Variants in GPM6A observed in about 807,000 individuals in gnomAD.
GPM6A encodes the protein glycoprotein M6A.
In GPM6A, 7 loss-of-function variants were observed where a neutral mutation model predicts 32.1. The ratio of observed to expected loss-of-function variants is 0.22; its 90% CI spans 0.12 to 0.41. GPM6A has a LOEUF of 0.41. GPM6A is among the 10% of genes least tolerant of loss of function. The pLI is 1.00. For synonymous variants in GPM6A, 130 were observed against 123.4 expected (o/e 1.05, Z -0.35); for missense variants, 235 against 347.2 (o/e 0.68, Z 2.57).
upstream of GPM6A, chr4:175,812,399 C>CTCGT (rs1463502595): frequency 7.6e-7 from 1 of 1,314,758 alleles, no homozygotes; most frequent in Non-Finnish European, 9.6e-7. Flanking sequence ...CTCAGGCTCC[C>CTCGT]TCGTTCCTCT....
Position 175,984,023 on chromosome 4 carries a change from T to TCACA in GPM6A, c.-23+18282_-23+18285dup, listed in dbSNP as rs138248018. 3.7e-3 allele frequency among the ~76,000 whole-genome samples: 559 copies of TCACA among 150,296 alleles called. 2 individuals are homozygous for TCACA. The highest frequency in any genetic ancestry group is 0.013 in the African/African-American group (520 of 41,058). ...CTCTCTCTCTCTGTCTCTCTCTCTGTCACACACACACACACACTCACACAC... is the reference window on the plus strand; with the variant it reads ...CTCTCTCTCTCTGTCTCTCTCTCTGTCACACACACACACACACACACTCACACAC... On this transcript the variant is annotated intron_variant, in intron 1 of 7. Coordinates refer to the GPM6A transcript ENST00000280187.
At chr4:175,785,518 CTAT>C (rs1733765628) in intron 1 of GPM6A, among the ~76,000 whole-genome samples, 1 of 152,186 alleles carries the variant, frequency 6.6e-6, no homozygotes, top group Non-Finnish European at 1.5e-5. Context: ...TTAACATTAA[CTAT>C]TGTTATAGTT....
At chr4:175,840,289 T>C (rs1453128919) in intron 1 of GPM6A, among the ~76,000 whole-genome samples, 2 of 152,224 alleles carry the variant, frequency 1.3e-5, no homozygotes, top group South Asian at 2.1e-4. Flanking sequence ...GAAATGTCTA[T>C]GCCAATTTAA....
chr4:175,677,560 A>G (rs1743443216), intron 2 of GPM6A, among the ~76,000 whole-genome samples: 1 of 152,168 alleles, frequency 6.6e-6, no homozygotes, highest in Non-Finnish European at 1.5e-5. Flanking sequence ...AAATGGGAAG[A>G]ATTTGGCCAA....
intron 1 of GPM6A, among the ~76,000 whole-genome samples, chr4:175,756,898 T>C (rs77388975): frequency 0.039 from 5,867 of 152,100 alleles, 200 homozygotes; most frequent in African/African-American, 0.075. Flanking sequence ...ACTCTGGGGA[T>C]AAAGAGAATA....
intron 3 of GPM6A, among the ~76,000 whole-genome samples, chr4:175,656,606 T>TGAC (rs1742098633): frequency 6.6e-6 from 1 of 152,146 alleles, no homozygotes; most frequent in African/African-American, 2.4e-5. Context: ...TAGAAAAAGG[T>TGAC]GACATATTGC....
chr4:175,966,751 G>T (rs1740346522), intron 1 of GPM6A, among the ~76,000 whole-genome samples: 1 of 152,072 alleles, frequency 6.6e-6, no homozygotes, highest in South Asian at 2.1e-4. Context: ...CATTCAGTCT[G>T]TGGTAATTTG....
chr4:175,936,223 G>C (rs186776856), intron 1 of GPM6A, among the ~76,000 whole-genome samples: 1 of 140,528 alleles, frequency 7.1e-6, no homozygotes, highest in African/African-American at 2.7e-5. Flanking sequence ...GGAGAATGGC[G>C]TAAACCCGGG....
chr4:175,980,487 C>T (rs1205153420), intron 1 of GPM6A, among the ~76,000 whole-genome samples: 4 of 152,288 alleles, frequency 2.6e-5, no homozygotes, highest in East Asian at 1.9e-4. Flanking sequence ...CTTTCTGACA[C>T]GGGCCTTATT....
intron 1 of GPM6A, among the ~76,000 whole-genome samples, chr4:175,854,795 G>GT (rs1034174815): frequency 6.6e-6 from 1 of 152,148 alleles, no homozygotes; most frequent in African/African-American, 2.4e-5. Flanking sequence ...TCCACAGAGG[G>GT]TTTGCCTTCA....
intron 2 of GPM6A, among the ~76,000 whole-genome samples, chr4:175,680,220 G>T (rs1167508204): frequency 6.6e-6 from 1 of 152,052 alleles, no homozygotes; most frequent in Non-Finnish European, 1.5e-5. Flanking sequence ...GAAATATTGA[G>T]TATACAGTGA....
chr4:175,658,644 G>A (rs1254759348), intron 3 of GPM6A, among the ~76,000 whole-genome samples: 1 of 152,218 alleles, frequency 6.6e-6, no homozygotes, highest in Non-Finnish European at 1.5e-5. Context: ...TGGTGAGGTA[G>A]TGATAACGGG....
chr4:175,891,666 A>G (rs1367686151), intron 1 of GPM6A: 2 of 152,238 alleles, frequency 1.3e-5, no homozygotes, highest in East Asian at 3.8e-4. Context: ...TTCTAATTTC[A>G]GGACAGTAGT....
intron 1 of GPM6A, among the ~76,000 whole-genome samples, chr4:175,830,270 G>T (rs1735568700): frequency 6.6e-6 from 1 of 152,194 alleles, no homozygotes; most frequent in Admixed American, 6.5e-5. Flanking sequence ...ATCACTCAGT[G>T]AGGTTGTGTT....
chr4:175,768,444 C>G (rs868112920), intron 1 of GPM6A, among the ~76,000 whole-genome samples: 11 of 151,870 alleles, frequency 7.2e-5, no homozygotes. Context: ...GGGAAAATGA[C>G]GTAGCTTGTT....
upstream of GPM6A, chr4:175,812,340 T>C (rs976058417): frequency 1.1e-5 from 14 of 1,282,158 alleles, no homozygotes; most frequent in Admixed American, 3.1e-5. Flanking sequence ...TTTTTTTTTT[T>C]CCTGGGAAGC....
rs1261432649 is a variant in GPM6A, at chr4:175,730,748, C to A, written c.38-28981G>T. ...CTCGGCCTCCCAAAGTGCTGAGATT[C>A]CAGGTGTGAGCCACCGCTGCTGGCC... is the stretch of plus-strand genomic sequence containing the variant. On this transcript the variant is annotated intron_variant, in intron 1 of 6. Transcript: ENST00000393658. Among the ~76,000 whole-genome samples, 5 of 152,160 alleles carry A rather than the reference C, an allele frequency of 3.3e-5. No individual in the cohort carries two copies. The South Asian group carries it at 6.2e-4, about 19-fold the overall frequency.
At chr4:175,990,620 A>T (rs1394333572) in intron 1 of GPM6A, among the ~76,000 whole-genome samples, 8 of 151,108 alleles carry the variant, frequency 5.3e-5, no homozygotes, top group Non-Finnish European at 2.9e-5. Context: ...TAAATTTAAA[A>T]GGCTGCTTTT....
intron 1 of GPM6A, among the ~76,000 whole-genome samples, chr4:175,857,027 G>C (rs1736439807): frequency 6.6e-6 from 1 of 152,116 alleles, no homozygotes; most frequent in Admixed American, 6.5e-5. Context: ...CTTCTACCCA[G>C]TATTTCCCTG....
Sources: gnomAD v4.1 joint callset for allele counts (sites outside exome capture counted in the v4.1 genomes callset) on GRCh38, gnomAD v4.1.1 for gene constraint, MANE v1.5 for transcripts, NCBI Gene and HGNC (gene_info 2026-07-23, HGNC 2026-07-21) for gene names.